TMED3: variants seen among roughly 807,000 people sequenced by gnomAD.
The protein encoded by TMED3 is transmembrane p24 trafficking protein 3, also known as transmembrane emp24 domain-containing protein 3.
TMED3 carries 9 observed loss-of-function variants against 15.0 expected under a neutral mutation model. That is an observed-to-expected ratio of 0.60 (90% CI 0.36 to 1.04). TMED3 has a LOEUF of 1.04. TMED3 is among the 50% of genes least tolerant of loss of function. TMED3 has a pLI of 0.01. For synonymous variants in TMED3, 117 were observed against 121.4 expected, an observed-to-expected ratio of 0.96 and a Z score of 0.24; for missense variants, 267 against 278.9, an observed-to-expected ratio of 0.96 and a Z score of 0.30.
chr15:79,317,599 T>C (rs1312232310), intron 2 of TMED3, among the ~76,000 whole-genome samples: 1 of 74,758 alleles, frequency 1.3e-5, no homozygotes. Flanking sequence ...TATGTGTACA[T>C]ATGAATACAT....
intron 2 of TMED3, among the ~76,000 whole-genome samples, chr15:79,366,433 G>A (rs748099437): frequency 7.9e-5 from 12 of 152,140 alleles, no homozygotes; most frequent in African/African-American, 2.9e-4. Context: ...GATAGTCACC[G>A]CTCATCCGCA....
At chr15:79,380,782 C>T (rs529267807) in intron 2 of TMED3, among the ~76,000 whole-genome samples, 2 of 152,150 alleles carry the variant, frequency 1.3e-5, no homozygotes, top group African/African-American at 4.8e-5. Flanking sequence ...GCTCCGATGT[C>T]TCACTTAGCC....
At position 79,322,646 on chromosome 15, in the gene TMED3, T is replaced by A. The variant is rs1476021323; in HGVS notation, c.*432T>A. 5.0e-6 allele frequency: 5 copies of A among 990,718 alleles called. No homozygotes were observed. In the East Asian group the frequency reaches 4.5e-4, roughly 89 times the overall value. The allele number at this position is 990,718 out of a possible 1,614,324, so 61.4% of individuals were successfully genotyped here. On this transcript the variant is annotated 3_prime_UTR_variant, in exon 3 of 3. Coordinates refer to ENST00000299705, the MANE Select transcript of TMED3 (RefSeq NM_007364.4). ...AAGGGGCTCTAAGTTCTGGCTCTTC[T>A]TTCTTTGGGGTTCTCTGTACCTGAG... is the stretch of plus-strand genomic sequence containing the variant.
At chr15:79,410,040 A>G (rs554796943) in intron 2 of TMED3, among the ~76,000 whole-genome samples, 2 of 152,254 alleles carry the variant, frequency 1.3e-5, no homozygotes, top group African/African-American at 4.8e-5. Flanking sequence ...ACTACACCCT[A>G]TGCTCCTTTC....
At position 79,336,128 on chromosome 15, in the gene TMED3, T is replaced by C. The variant is rs202183934; in HGVS notation, c.417+22123T>C. 7.9e-5 allele frequency among the ~76,000 whole-genome samples: 12 copies of C among 152,258 alleles called. No individual in the cohort carries two copies. In the East Asian group the frequency reaches 2.1e-3, roughly 27 times the overall value. On this transcript the variant is annotated intron_variant, in intron 2 of 2. Coordinates refer to the TMED3 transcript ENST00000424155. Reference sequence around the variant, plus strand: ...TGAAAAATTTTGATAAAGGAATAATTGGTCAGGGATAAGGGTGGCAGCTGA... The same window carrying C: ...TGAAAAATTTTGATAAAGGAATAATCGGTCAGGGATAAGGGTGGCAGCTGA...
chr15:79,391,155 G>T (rs963762854), intron 2 of TMED3, among the ~76,000 whole-genome samples: 1 of 151,116 alleles, frequency 6.6e-6, no homozygotes, highest in African/African-American at 2.4e-5. Context: ...TGTTTCTCTA[G>T]TTTCTTCAGG....
At chr15:79,368,456 G>A (rs1294372492) in intron 2 of TMED3, among the ~76,000 whole-genome samples, 1 of 152,160 alleles carries the variant, frequency 6.6e-6, no homozygotes, top group Non-Finnish European at 1.5e-5. Context: ...CACACTGTGG[G>A]AATTATGGGG....
chr15:79,328,373 A>G (rs994409568), intron 2 of TMED3, among the ~76,000 whole-genome samples: 4 of 152,180 alleles, frequency 2.6e-5, no homozygotes, highest in East Asian at 3.8e-4. Context: ...CCTTTAATTT[A>G]TAAAGTAATC....
At chr15:79,314,133 T>G in intron 2 of TMED3, 128 bp downstream of exon 2, 1 of 1,295,420 alleles carries the variant, frequency 7.7e-7, no homozygotes, top group Non-Finnish European at 1.0e-6. Context: ...CAGGGTTGGT[T>G]TTGTCTCTTT....
chr15:79,391,535 T>A (rs1451585869), intron 2 of TMED3, among the ~76,000 whole-genome samples: 2 of 152,146 alleles, frequency 1.3e-5, no homozygotes, highest in African/African-American at 4.8e-5. Context: ...TTGAATAGAA[T>A]GTGTATTCTG....
rs1380705768 is a variant in TMED3, at chr15:79,322,274, C to T, written c.*60C>T. The T allele has an allele frequency of 6.4e-7, 1 of 1,566,370 alleles. No individual in the cohort carries two copies. The highest frequency in any genetic ancestry group is 8.7e-7 in the Non-Finnish European group (1 of 1,155,000). On this transcript the variant is annotated 3_prime_UTR_variant, in exon 3 of 3. Transcript: ENST00000299705. The stretch of plus-strand genomic sequence containing the variant: ...AGGCTGGAGCAGCTCTCCTAGGTCA[C>T]AGCCTGCTGGGCTGGGTCGCGTAGC...
At position 79,322,639 on chromosome 15, in the gene TMED3, G is replaced by T. The variant is rs1268862461; in HGVS notation, c.*425G>T. 3.0e-6 allele frequency: 3 copies of T among 991,530 alleles called. No homozygotes were observed. Among genetic ancestry groups the T allele is most frequent in the East Asian group, 1.1e-4 (1 of 8,974 alleles). 61.4% of individuals were successfully genotyped at this position (991,530 alleles called of 1,614,324 possible). ...GAGAAGAAAGGGGCTCTAAGTTCTGGCTCTTCTTTCTTTGGGGTTCTCTGT... is the reference window on the plus strand; with the variant it reads ...GAGAAGAAAGGGGCTCTAAGTTCTGTCTCTTCTTTCTTTGGGGTTCTCTGT... On this transcript the variant is annotated 3_prime_UTR_variant, in exon 3 of 3. Coordinates refer to ENST00000299705, the MANE Select transcript of TMED3 (RefSeq NM_007364.4).
intron 2 of TMED3, among the ~76,000 whole-genome samples, chr15:79,321,528 T>G (rs1489827993): frequency 6.6e-6 from 1 of 152,150 alleles, no homozygotes; most frequent in Non-Finnish European, 1.5e-5. Flanking sequence ...GGATTCAGAG[T>G]CCAAACACAA....
At chr15:79,353,166 T>TATAAAATATATA in intron 2 of TMED3, among the ~76,000 whole-genome samples, 2 of 83,460 alleles carry the variant, frequency 2.4e-5, no homozygotes, top group South Asian at 3.3e-4. Context: ...TATATAAATA[T>TATAAAATATATA]ATATACATAA....
rs766549000 is a variant in TMED3 at position 79,383,012 on chromosome 15, A to G, written c.418-28388A>G. 1.1e-5 allele frequency: 17 copies of G among 1,535,364 alleles called. No homozygotes were observed. In the South Asian group the frequency reaches 1.9e-4, roughly 17 times the overall value. The stretch of plus-strand genomic sequence containing the variant: ...CACCAACGCCACCACTAAGGGTTCC[A>G]GTGTGATCACCATCTGGGATCTACC... On this transcript the variant is annotated intron_variant, in intron 2 of 2. Transcript: ENST00000424155.
intron 2 of TMED3, among the ~76,000 whole-genome samples, chr15:79,343,288 A>G (rs1339256828): frequency 3.3e-5 from 5 of 152,050 alleles, no homozygotes; most frequent in South Asian, 2.1e-4. Flanking sequence ...ACTCATACAC[A>G]CTGCCCTCCC....
chr15:79,373,195 C>G (rs1893372227), intron 2 of TMED3, among the ~76,000 whole-genome samples: 1 of 152,174 alleles, frequency 6.6e-6, no homozygotes. Flanking sequence ...GCAGATAAGA[C>G]CAGTCATAGG....
rs765755304 is a variant in TMED3 at position 79,376,806 on chromosome 15, C to T, written c.418-34594C>T. 1.6e-4 allele frequency among the ~76,000 whole-genome samples: 25 copies of T among 152,164 alleles called. No homozygotes were observed. In the South Asian group the frequency reaches 1.9e-3, roughly 11 times the overall value. On this transcript the variant is annotated intron_variant, in intron 2 of 2. Transcript: ENST00000424155. ...TTTTAGTTGGTGCTCAGAGTTTGTT[C>T]CCCCTTCCTGGAATCATCTAGCTGG...
intron 2 of TMED3, among the ~76,000 whole-genome samples, chr15:79,363,407 A>T (rs1893167545): frequency 6.6e-6 from 1 of 152,086 alleles, no homozygotes; most frequent in Non-Finnish European, 1.5e-5. Context: ...AAATCCTTGC[A>T]TACTGTATCA....
Sources: gnomAD v4.1 joint callset for allele counts (sites outside exome capture counted in the v4.1 genomes callset) on GRCh38, gnomAD v4.1.1 for gene constraint, MANE v1.5 for transcripts, NCBI Gene and HGNC (gene_info 2026-07-23, HGNC 2026-07-21) for gene names.